GANC: variants seen among roughly 807,000 people sequenced by gnomAD.
GANC encodes neutral alpha-glucosidase C.
In GANC, 117 loss-of-function variants were observed where a neutral mutation model predicts 124.2. The ratio of observed to expected loss-of-function variants is 0.94; its 90% CI spans 0.81 to 1.10. The LOEUF (loss-of-function observed/expected upper bound fraction) is 1.10, where lower values mean the gene tolerates loss of function less well. GANC is among the 50% of genes least tolerant of loss of function. The pLI is 0.00. For missense variants in GANC, 1,140 were observed against 1,095.0 expected (o/e 1.04, Z -0.58); for synonymous variants, 377 against 376.8 (o/e 1.00, Z -0.01).
chr15:42,300,015 A>T (rs1401524120), intron 6 of GANC, among the ~76,000 whole-genome samples: 1 of 152,220 alleles, frequency 6.6e-6, no homozygotes, highest in Admixed American at 6.5e-5. Context: ...AAAACCCTAG[A>T]AGAAAACCTA....
At chr15:42,277,743 G>A (rs1370991358) in intron 2 of GANC, among the ~76,000 whole-genome samples, 2 of 151,556 alleles carry the variant, frequency 1.3e-5, no homozygotes, top group African/African-American at 2.4e-5. Context: ...TGGGATTACA[G>A]GCATGCACCA....
chr15:42,292,664 G>A (rs999607714), intron 4 of GANC, 71 bp from the exon 5 acceptor site: 57 of 1,395,218 alleles, frequency 4.1e-5, no homozygotes, highest in Admixed American at 8.3e-5. Context: ...TTAATTACTT[G>A]GAAGTACAAA....
In GANC at chr15:42,353,136, C is replaced by T. The variant is rs1299453614; in HGVS notation, c.*997C>T. 1.0e-6 allele frequency: 1 copy of T among 985,792 alleles called. No homozygotes were observed. The highest frequency in any genetic ancestry group is 4.7e-5 in the South Asian group (1 of 21,276). 61.1% of individuals were successfully genotyped at this position (985,792 alleles called of 1,614,324 possible). A position where few individuals can be genotyped will look rare whatever the true frequency, so the allele number is the denominator to read the frequency against. On this transcript the variant is annotated 3_prime_UTR_variant, in exon 24 of 24. Transcript: ENST00000318010. ...TGGCTTGGCATGGGGCAGAACATTA[C>T]AACATACCAGTCGTGTCATGGTGCC... is the stretch of plus-strand genomic sequence containing the variant.
In GANC at chr15:42,351,923, G is replaced by GCTT. The variant is rs896837977; in HGVS notation, c.2636-107_2636-106insCTT. The GCTT allele has an allele frequency of 2.2e-6, 3 of 1,385,902 alleles. No homozygotes were observed. In the African/African-American group the frequency reaches 4.3e-5, roughly 20 times the overall value. 85.9% of individuals were successfully genotyped at this position (1,385,902 alleles called of 1,614,324 possible). A position where few individuals can be genotyped will look rare whatever the true frequency, so the allele number is the denominator to read the frequency against. ...AAAAGTGCTATTAATTTGGAGTGGGGTATAAGGTTTTATGATACAGTGAGA... is the reference window on the plus strand; with the variant it reads ...AAAAGTGCTATTAATTTGGAGTGGGGCTTTATAAGGTTTTATGATACAGTGAGA... On this transcript the variant is annotated intron_variant, in intron 23 of 23. Transcript: ENST00000318010.
chr15:42,326,564 T>C (rs1051372865), intron 12 of GANC, 140 bp downstream of exon 12: 1 of 1,379,172 alleles, frequency 7.3e-7, no homozygotes, highest in Non-Finnish European at 9.8e-7. Flanking sequence ...AATGAAGAGA[T>C]AGGTTTGCCT....
intron 6 of GANC, among the ~76,000 whole-genome samples, chr15:42,305,516 C>T (rs988020175): frequency 8.5e-5 from 13 of 152,330 alleles, no homozygotes; most frequent in African/African-American, 2.9e-4. Context: ...TAAATTAGTT[C>T]AACCATTGTG....
At chr15:42,305,909 CAG>C (rs942543195) in intron 6 of GANC, among the ~76,000 whole-genome samples, 4 of 146,552 alleles carry the variant, frequency 2.7e-5, no homozygotes, top group African/African-American at 1.0e-4. Flanking sequence ...CACATGGACA[CAG>C]GGAGGGGAAC....
chr15:42,321,700 CTCTGTAGACAT>C, intron 10 of GANC, 74 bp from the exon 11 acceptor site: 1 of 1,151,350 alleles, frequency 8.7e-7, no homozygotes, highest in Non-Finnish European at 1.3e-6. Flanking sequence ...GTGCTGAATA[CTCTGTAGACAT>C]TCAGGAAATG....
rs552185306 is a variant in GANC, at chr15:42,330,567, G to A, written c.1645-9G>A. 23 of 1,606,114 alleles carry A rather than the reference G, an allele frequency of 1.4e-5. No individual in the cohort carries two copies. The highest frequency in any genetic ancestry group is 1.9e-5 in the Non-Finnish European group (22 of 1,173,522). On this transcript the variant is annotated splice_polypyrimidine_tract_variant and intron_variant, in intron 14 of 23. Coordinates refer to ENST00000318010, the MANE Select transcript of GANC (RefSeq NM_198141.3). ...ATCTCTTTGAAATTTTTCTTGTTTG[G>A]TGATATAGCAAATGGCTACTGCAGA...
chr15:42,302,355 A>G (rs530495049), intron 6 of GANC, among the ~76,000 whole-genome samples: 22 of 152,324 alleles, frequency 1.4e-4, no homozygotes, highest in Non-Finnish European at 3.2e-4. Flanking sequence ...AAGGTCACCA[A>G]CATCGAAGAG....
intron 10 of GANC, among the ~76,000 whole-genome samples, chr15:42,316,491 G>C (rs1191702718): frequency 6.6e-6 from 1 of 152,180 alleles, no homozygotes; most frequent in African/African-American, 2.4e-5. Context: ...AGCAGAGAGG[G>C]AAGGCAGCAT....
At chr15:42,293,419 T>C (rs557879945) in intron 5 of GANC, among the ~76,000 whole-genome samples, 210 of 152,326 alleles carry the variant, frequency 1.4e-3, no homozygotes, top group African/African-American at 4.9e-3. Flanking sequence ...TCTTTTAGTC[T>C]ATAGTTCTTT....
chr15:42,281,739 C>T (rs1307032160), intron 3 of GANC, among the ~76,000 whole-genome samples: 1 of 152,140 alleles, frequency 6.6e-6, no homozygotes, highest in Non-Finnish European at 1.5e-5. Flanking sequence ...TACAGATTAA[C>T]TTACTTATGA....
intron 11 of GANC, among the ~76,000 whole-genome samples, chr15:42,325,067 C>G (rs2052187542): frequency 6.6e-6 from 1 of 151,296 alleles, no homozygotes; most frequent in African/African-American, 2.4e-5. Flanking sequence ...AGTTCGAGAT[C>G]AGCCTGGCCA....
chr15:42,347,216 A>G (rs111785412), intron 20 of GANC, among the ~76,000 whole-genome samples: 14,667 of 150,638 alleles, frequency 0.097, 842 homozygotes, highest in South Asian at 0.18. Context: ...GCCAGTGAGG[A>G]AGGGGCATGT....
rs140899464 is a variant in GANC at position 42,327,182 on chromosome 15, T to A, written c.1421-181T>A. Among the ~76,000 whole-genome samples the A allele has an allele frequency of 6.3e-3, 961 of 152,350 alleles. 9 individuals carry two copies. The highest frequency in any genetic ancestry group is 0.022 in the African/African-American group (932 of 41,580). ...TTCTGGTATTGAAAGATCTAGTGAT[T>A]GTCACTGGAGCCCAGCATTACCTTC... On this transcript the variant is annotated intron_variant, in intron 12 of 23. Transcript: ENST00000318010.
At chr15:42,329,223 T>C in intron 13 of GANC, 83 bp from the exon 14 acceptor site, 1 of 1,378,414 alleles carries the variant, frequency 7.3e-7, no homozygotes, top group Non-Finnish European at 9.9e-7. Context: ...TAAACATAAT[T>C]TTTAAAATGA....
chr15:42,351,920 G>A, intron 23 of GANC, 110 bp from the exon 24 acceptor site: 1 of 1,322,974 alleles, frequency 7.6e-7, no homozygotes, highest in South Asian at 1.5e-5. Context: ...AATTTGGAGT[G>A]GGGTATAAGG....
At chr15:42,304,827 T>G (rs895161406) in intron 6 of GANC, among the ~76,000 whole-genome samples, 1 of 152,202 alleles carries the variant, frequency 6.6e-6, no homozygotes, top group African/African-American at 2.4e-5. Flanking sequence ...TACAACCACC[T>G]GATCTTTGAC....
Sources: allele counts gnomAD v4.1 joint callset (sites outside exome capture counted in the v4.1 genomes callset), GRCh38; gene constraint gnomAD v4.1.1; transcripts MANE v1.5; gene names NCBI Gene and HGNC (gene_info 2026-07-23, HGNC 2026-07-21).